PCDH15: variants seen among roughly 807,000 people sequenced by gnomAD.
The protein encoded by PCDH15 is protocadherin-15.
Under a neutral mutation model 178.5 loss-of-function variants are expected in PCDH15, and 129 were observed. The observed-to-expected ratio is 0.72, with a 90% CI of 0.63 to 0.84. The LOEUF (loss-of-function observed/expected upper bound fraction) is 0.84. Among genes scored for constraint, PCDH15 ranks in the 40% least tolerant of loss-of-function variants. The pLI, the probability that PCDH15 is intolerant of heterozygous loss-of-function variation, is 0.00. For synonymous variants in PCDH15, 800 were observed against 732.0 expected, an observed-to-expected ratio of 1.09 and a Z score of -1.50; for missense variants, 2,230 against 2,099.9, an observed-to-expected ratio of 1.06 and a Z score of -1.21.
At chr10:53,928,613 A>G (rs1324543873) in intron 25 of PCDH15, among the ~76,000 whole-genome samples, 1 of 152,062 alleles carries the variant, frequency 6.6e-6, no homozygotes, top group African/African-American at 2.4e-5. Context: ...TTTCTGTAAC[A>G]TAAGTGACTT....
At chr10:54,671,009 T>C (rs976168536) in intron 1 of PCDH15, among the ~76,000 whole-genome samples, 1 of 152,122 alleles carries the variant, frequency 6.6e-6, no homozygotes, top group Non-Finnish European at 1.5e-5. Context: ...TAAATCTCAG[T>C]CTTTTAGATA....
intron 1 of PCDH15, among the ~76,000 whole-genome samples, chr10:54,748,657 T>G (rs895731151): frequency 1.3e-5 from 2 of 152,198 alleles, no homozygotes; most frequent in African/African-American, 4.8e-5. Flanking sequence ...GGGTTTCCGG[T>G]GCACTCTGAC....
intron 13 of PCDH15, among the ~76,000 whole-genome samples, chr10:54,168,904 T>C (rs886191297): frequency 9.2e-5 from 14 of 151,830 alleles, no homozygotes; most frequent in Non-Finnish European, 1.6e-4. Context: ...TAGAAAAATG[T>C]TGCAATTCCT....
At chr10:54,779,162 A>G (rs1049790133) in intron 1 of PCDH15, among the ~76,000 whole-genome samples, 3 of 151,878 alleles carry the variant, frequency 2.0e-5, no homozygotes, top group African/African-American at 7.3e-5. Flanking sequence ...GGATAAATAT[A>G]TTCATGAGTC....
chr10:54,371,158 G>C (rs1018832690), intron 4 of PCDH15, among the ~76,000 whole-genome samples: 2 of 151,582 alleles, frequency 1.3e-5, no homozygotes, highest in African/African-American at 4.8e-5. Flanking sequence ...ATAATAATGG[G>C]TTACAAAATG....
chr10:55,250,833 C>G (rs1180353689), intron 1 of PCDH15, among the ~76,000 whole-genome samples: 2 of 151,992 alleles, frequency 1.3e-5, no homozygotes, highest in African/African-American at 4.8e-5. Flanking sequence ...CCATGCCCAG[C>G]CAATAAATTC....
chr10:54,229,065 T>C (rs752830062), intron 9 of PCDH15, among the ~76,000 whole-genome samples: 42 of 152,168 alleles, frequency 2.8e-4, no homozygotes, highest in Non-Finnish European at 5.6e-4. Flanking sequence ...AGCTGAGAAA[T>C]ATCTCTGCAA....
rs375057500 is a variant in PCDH15 at position 54,612,673 on chromosome 10, A to G, written c.91+51499T>C. ...AAAAATTTTGCCTCGACTTACTTATATAAGAAAAATAAAACTGGTTGCAGA... is the reference window on the plus strand; with the variant it reads ...AAAAATTTTGCCTCGACTTACTTATGTAAGAAAAATAAAACTGGTTGCAGA... On this transcript the variant is annotated intron_variant, in intron 2 of 37. Coordinates refer to ENST00000644397, the MANE Select transcript of PCDH15 (RefSeq NM_001384140.1). Among the ~76,000 whole-genome samples the G allele has an allele frequency of 5.3e-5, 8 of 151,846 alleles. No homozygotes were observed. The East Asian group carries it at 1.5e-3, about 29-fold the overall frequency.
At chr10:54,945,845 G>A (rs956969509) in intron 2 of PCDH15, among the ~76,000 whole-genome samples, 1 of 151,640 alleles carries the variant, frequency 6.6e-6, no homozygotes, top group Non-Finnish European at 1.5e-5. Flanking sequence ...TTAAAGACTG[G>A]GTGAGTCTAT....
intron 2 of PCDH15, among the ~76,000 whole-genome samples, chr10:55,127,086 T>C (rs1475188244): frequency 1.3e-5 from 2 of 152,058 alleles, no homozygotes; most frequent in African/African-American, 4.8e-5. Context: ...TTTCTGACTC[T>C]GCAACTAACT....
At chr10:55,555,049 T>C (rs972239523) in intron 2 of PCDH15, among the ~76,000 whole-genome samples, 1 of 152,162 alleles carries the variant, frequency 6.6e-6, no homozygotes, top group Admixed American at 6.6e-5. Context: ...AGAAAATCAG[T>C]ATTTCCATAA....
At chr10:54,604,243 A>G (rs1022858799) in intron 2 of PCDH15, among the ~76,000 whole-genome samples, 5 of 151,960 alleles carry the variant, frequency 3.3e-5, no homozygotes, top group Non-Finnish European at 5.9e-5. Flanking sequence ...AAAAGAATGT[A>G]CAATCTTCTG....
At chr10:54,807,695 TATATA>T (rs1190139281) in intron 3 of PCDH15, among the ~76,000 whole-genome samples, 4 of 148,156 alleles carry the variant, frequency 2.7e-5, no homozygotes, top group African/African-American at 9.8e-5. Context: ...TATTTATAAG[TATATA>T]ATATATTGAT....
chr10:55,127,792 A>G (rs1023261691), intron 2 of PCDH15, among the ~76,000 whole-genome samples: 1 of 152,038 alleles, frequency 6.6e-6, no homozygotes, highest in Non-Finnish European at 1.5e-5. Flanking sequence ...ATAACCTTGG[A>G]GACATTCCAT....
intron 1 of PCDH15, among the ~76,000 whole-genome samples, chr10:55,187,116 T>C (rs998392511): frequency 2.0e-5 from 3 of 151,916 alleles, no homozygotes; most frequent in Non-Finnish European, 4.4e-5. Flanking sequence ...TCAATGTTCA[T>C]ATACACAGAG....
chr10:53,821,703 G>T (rs1187656547), intron 32 of PCDH15: 2 of 1,450,566 alleles, frequency 1.4e-6, no homozygotes, highest in East Asian at 2.5e-5. Context: ...TAGTGATGAG[G>T]TTAATATCTT....
At chr10:54,093,023 TTTA>T (rs963738245) in intron 15 of PCDH15, among the ~76,000 whole-genome samples, 12 of 152,216 alleles carry the variant, frequency 7.9e-5, no homozygotes, top group African/African-American at 1.9e-4. Flanking sequence ...TATCGAATCT[TTTA>T]TTATATCAGA....
At chr10:53,899,634 T>C (rs1418974387) in intron 26 of PCDH15, among the ~76,000 whole-genome samples, 2 of 152,208 alleles carry the variant, frequency 1.3e-5, no homozygotes, top group Non-Finnish European at 2.9e-5. Context: ...TACCTAATAT[T>C]GTATAGCAAT....
chr10:53,851,967 G>T (rs2078409590), intron 28 of PCDH15, among the ~76,000 whole-genome samples: 1 of 151,590 alleles, frequency 6.6e-6, no homozygotes, highest in Non-Finnish European at 1.5e-5. Flanking sequence ...TATTCAGAAG[G>T]TAAGAGATGG....
Sources: allele counts gnomAD v4.1 joint callset (sites outside exome capture counted in the v4.1 genomes callset), GRCh38; gene constraint gnomAD v4.1.1; transcripts MANE v1.5; gene names NCBI Gene and HGNC (gene_info 2026-07-23, HGNC 2026-07-21).